The following KIF20B variants were observed in gnomAD, a reference collection of about 807,000 sequenced individuals.
KIF20B encodes kinesin-like protein KIF20B.
In KIF20B, 188 loss-of-function variants were observed where a neutral mutation model predicts 232.5. The ratio of observed to expected loss-of-function variants is 0.81; its 90% confidence interval spans 0.72 to 0.91. KIF20B has a LOEUF of 0.91. Ranked by LOEUF, KIF20B falls within the 40% of genes least tolerant of loss-of-function variation. KIF20B has a pLI of 0.00. For synonymous variants in KIF20B, 712 were observed against 683.0 expected (o/e 1.04, Z -0.66); for missense variants, 2,154 against 2,055.9 (o/e 1.05, Z -0.92).
At chr10:89,728,007 CTT>C (rs1589861576) in intron 17 of KIF20B, 111 bp downstream of exon 17, 1 of 929,458 alleles carries the variant, frequency 1.1e-6, no homozygotes, top group Non-Finnish European at 1.5e-6. Context: ...AATATAGTCT[CTT>C]GGTATGCATG....
Position 89,726,411 on chromosome 10 carries a change from A to G in KIF20B, c.2120A>G (p.Gln707Arg). Residue 707 changes from glutamine to arginine, a missense_variant, in exon 16 of 33, where the codon CAG becomes CGG. Gln to Arg is a conservative substitution (Grantham distance 43). Coordinates refer to ENST00000371728, the MANE Select transcript of KIF20B (RefSeq NM_001284259.2). ...HLYIASLPDP[Q>R]EATACLELKF... ...TATATTGCATCTCTTCCTGACCCCCAGGAAGCTACTGCTTGTTTAGAACTA... is the reference window on the plus strand; with the variant it reads ...TATATTGCATCTCTTCCTGACCCCCGGGAAGCTACTGCTTGTTTAGAACTA... The G allele has an allele frequency of 1.9e-6, 3 of 1,594,912 alleles. No individual in the cohort carries two copies. The highest frequency in any genetic ancestry group is 1.3e-5 in the African/African-American group (1 of 74,258).
chr10:89,705,621 A>T (rs1842706291), intron 2 of KIF20B, among the ~76,000 whole-genome samples, 180 bp downstream of exon 2: 2 of 152,236 alleles, frequency 1.3e-5, no homozygotes, highest in South Asian at 4.1e-4. Flanking sequence ...TAACATAAAA[A>T]TTATATGAAT....
intron 31 of KIF20B, among the ~76,000 whole-genome samples, chr10:89,772,091 T>C (rs1227035406): frequency 6.6e-6 from 1 of 151,968 alleles, no homozygotes; most frequent in Non-Finnish European, 1.5e-5. Flanking sequence ...TGAATTTCTA[T>C]CCAGGAATTT....
intron 12 of KIF20B, among the ~76,000 whole-genome samples, chr10:89,719,124 T>G (rs1209355878): frequency 1.3e-5 from 2 of 152,196 alleles, no homozygotes; most frequent in African/African-American, 4.8e-5. Context: ...AATTGTCTGC[T>G]CTGCCATTCA....
At chr10:89,707,034 A>G (rs971101737) in intron 2 of KIF20B, among the ~76,000 whole-genome samples, 42 of 152,268 alleles carry the variant, frequency 2.8e-4, no homozygotes, top group African/African-American at 9.4e-4. Flanking sequence ...ATCCATGAAC[A>G]CAGTATTCTT....
rs187191375 is a variant in KIF20B at position 89,708,456 on chromosome 10, C to G, written c.148-711C>G. ...GAACTCCCGACCTCAGGTGATCCAC[C>G]CGCCTCGGCCTCCCAAAGTGTTGGG... On this transcript the variant is annotated intron_variant, in intron 2 of 32. Transcript: ENST00000371728. 8.5e-3 allele frequency among the ~76,000 whole-genome samples: 1,290 copies of G among 152,304 alleles called. 19 individuals carry two copies. The highest frequency in any genetic ancestry group is 0.029 in the African/African-American group (1,224 of 41,566).
intron 31 of KIF20B, among the ~76,000 whole-genome samples, chr10:89,770,543 A>G (rs1842442002): frequency 6.6e-6 from 1 of 151,870 alleles, no homozygotes; most frequent in South Asian, 2.1e-4. Flanking sequence ...AAGGGTAATG[A>G]TTCTCTTACT....
At position 89,718,723 on chromosome 10, in the gene KIF20B, G is replaced by A. The variant is rs946529893; in HGVS notation, c.1285G>A (p.Val429Met). ...TTTTTTCTGTAGGTTTCAACAGCAT[G>A]TGCCTTTCCGGGAAAGTAAACTGAC... ...NSEKSKFQQH[V>M]PFRESKLTHY... The change falls in exon 12 of 33, where the codon GTG becomes ATG. Residue 429 changes from valine to methionine, a missense_variant. Val to Met is a conservative substitution (Grantham distance 21). Coordinates refer to ENST00000371728, the MANE Select transcript of KIF20B (RefSeq NM_001284259.2). The A allele has an allele frequency of 1.9e-6, 3 of 1,607,238 alleles. No individual in the cohort carries two copies. The highest frequency in any genetic ancestry group is 2.5e-6 in the Non-Finnish European group (3 of 1,178,244).
chr10:89,715,023 T>C lies in KIF20B; in HGVS notation c.781T>C (p.Leu261=). 6.2e-7 allele frequency: 1 copy of C among 1,605,732 alleles called. No homozygotes were observed. The highest frequency in any genetic ancestry group is 1.1e-5 in the South Asian group (1 of 88,728). ...CATAAAAGATTATGAACAAGCCAAC[T>C]TGAATATGGCTAATAGTATAAAATT... The part of the protein sequence containing the change: ...ESIKDYEQAN[L]NMANSIKFSV... The change falls in exon 8 of 33, where the codon TTG becomes CTG. Residue 261 remains leucine (L), a synonymous_variant. Transcript: ENST00000371728.
chr10:89,704,499 A>G (rs1842681250), intron 1 of KIF20B, among the ~76,000 whole-genome samples: 1 of 151,778 alleles, frequency 6.6e-6, no homozygotes. Flanking sequence ...GTTTACATAT[A>G]TTATTTTACT....
At chr10:89,769,134 G>A (rs534735012) in intron 31 of KIF20B, among the ~76,000 whole-genome samples, 1 of 152,070 alleles carries the variant, frequency 6.6e-6, no homozygotes, top group South Asian at 2.1e-4. Context: ...TATAGTAATA[G>A]GGGTATAAGC....
At chr10:89,739,614 C>T (rs1183836938) in intron 21 of KIF20B, among the ~76,000 whole-genome samples, 2 of 150,382 alleles carry the variant, frequency 1.3e-5, no homozygotes, top group African/African-American at 4.9e-5. Flanking sequence ...CTTGTATGAC[C>T]ACTTCATTTT....
In KIF20B at chr10:89,738,379, T is replaced by C. The variant is rs1841714784; in HGVS notation, c.3538T>C (p.Ser1180Pro). The stretch of plus-strand genomic sequence containing the variant: ...GACTCAGAAAGTTGAATGTAGTCAT[T>C]CAGCCAAGTTAGAACAAGACATTTT... Reference protein sequence around the residue: ...LETQKVECSHSAKLEQDILEK... With the variant: ...LETQKVECSHPAKLEQDILEK... The change falls in exon 20 of 33, where the codon TCA becomes CCA. Residue 1180 changes from serine (S) to proline (P), a missense_variant. Physicochemically the swap from Ser to Pro is moderately conservative, Grantham distance 74. Coordinates refer to ENST00000371728, the MANE Select transcript of KIF20B (RefSeq NM_001284259.2). 6.2e-7 allele frequency: 1 copy of C among 1,605,774 alleles called. No homozygotes were observed. The highest frequency in any genetic ancestry group is 1.1e-5 in the South Asian group (1 of 88,478).
At position 89,743,843 on chromosome 10, in the gene KIF20B, G is replaced by A. The variant is rs1841856473; in HGVS notation, c.3951G>A (p.Arg1317=). The A allele has an allele frequency of 1.3e-6, 2 of 1,551,292 alleles. No individual in the cohort carries two copies. The highest frequency in any genetic ancestry group is 2.8e-5 in the African/African-American group (2 of 72,534). Residue 1317 remains arginine (R), a synonymous_variant, in exon 22 of 33, where the codon AGG becomes AGA. Coordinates refer to ENST00000371728, the MANE Select transcript of KIF20B (RefSeq NM_001284259.2). Reference sequence around the variant, plus strand: ...TGCGTGATGAGGATAAATTACTGAGGATTAAAATTAATGAACTGGAGAAAA... The same window carrying A: ...TGCGTGATGAGGATAAATTACTGAGAATTAAAATTAATGAACTGGAGAAAA... The part of the protein sequence containing the change: ...SVMRDEDKLL[R]IKINELEKKK...
At chr10:89,713,317 C>T (rs1380249820) in intron 6 of KIF20B, among the ~76,000 whole-genome samples, 12 of 148,384 alleles carry the variant, frequency 8.1e-5, no homozygotes, top group African/African-American at 2.0e-4. Flanking sequence ...GCCGAGATTG[C>T]GCCACTACAT....
chr10:89,739,303 C>T (rs1841742024), intron 21 of KIF20B, among the ~76,000 whole-genome samples: 1 of 152,014 alleles, frequency 6.6e-6, no homozygotes, highest in Non-Finnish European at 1.5e-5. Context: ...AAATATGTAC[C>T]TTATGAAAGA....
In KIF20B at chr10:89,738,507, A is replaced by G; in HGVS notation, c.3666A>G (p.Glu1222=). ...VKNTKDLNVK[E]LKLKEEITQL... ...ACACCAAAGATTTAAATGTAAAGGA[A>G]CTCAAGCTGAAAGAAGAAATCACAC... is the stretch of plus-strand genomic sequence containing the variant. The change falls in exon 20 of 33, where the codon GAA becomes GAG. Residue 1222 remains glutamate, a synonymous_variant. Transcript: ENST00000371728. 3 of 1,604,242 alleles carry G rather than the reference A, an allele frequency of 1.9e-6. No individual in the cohort carries two copies. Among genetic ancestry groups the G allele is most frequent in the Non-Finnish European group, 2.6e-6 (3 of 1,176,076 alleles).
intron 21 of KIF20B, among the ~76,000 whole-genome samples, chr10:89,739,461 CATT>C (rs1270122410): frequency 7.7e-6 from 1 of 130,310 alleles, no homozygotes; most frequent in Admixed American, 7.5e-5. Flanking sequence ...AATGCAATCA[CATT>C]ATTCCAAATT....
chr10:89,764,227 C>T (rs1842305620), intron 29 of KIF20B, among the ~76,000 whole-genome samples: 1 of 151,938 alleles, frequency 6.6e-6, no homozygotes, highest in Admixed American at 6.6e-5. Context: ...GACATGAACT[C>T]ATCATTTTTT....
Sources: allele counts gnomAD v4.1 joint callset (sites outside exome capture counted in the v4.1 genomes callset), GRCh38; gene constraint gnomAD v4.1.1; transcripts MANE v1.5; gene names NCBI Gene and HGNC (gene_info 2026-07-23, HGNC 2026-07-21).